Variants in RABGEF1 observed in about 807,000 individuals in gnomAD.
RABGEF1 encodes the protein rab5 GDP/GTP exchange factor.
RABGEF1 carries 26 observed loss-of-function variants against 57.3 expected under a neutral mutation model. The ratio of observed to expected loss-of-function variants is 0.45; its 90% CI spans 0.33 to 0.63. The LOEUF is 0.63. RABGEF1 is among the 20% of genes least tolerant of loss of function. The probability of loss-of-function intolerance (pLI) is 0.02; values close to 1 mark genes in which losing one functional copy is unlikely to be tolerated. For missense variants in RABGEF1, 464 were observed against 607.6 expected, an observed-to-expected ratio of 0.76 and a Z score of 2.48; for synonymous variants, 185 against 210.7, an observed-to-expected ratio of 0.88 and a Z score of 1.06.
At chr7:66,760,278 A>C (rs1275186541) in intron 1 of RABGEF1, among the ~76,000 whole-genome samples, 1 of 152,184 alleles carries the variant, frequency 6.6e-6, no homozygotes, top group Non-Finnish European at 1.5e-5. Flanking sequence ...GAAATCCTAG[A>C]GTATGTGACC....
chr7:66,781,761 T>C (rs754587901), intron 3 of RABGEF1, among the ~76,000 whole-genome samples: 11 of 152,240 alleles, frequency 7.2e-5, no homozygotes, highest in Non-Finnish European at 1.3e-4. Flanking sequence ...TATTTTGCCA[T>C]GCAAATTCTG....
At chr7:66,775,438 C>G (rs769822507) in intron 3 of RABGEF1, 45 bp downstream of exon 3, 1 of 1,593,396 alleles carries the variant, frequency 6.3e-7, no homozygotes, top group African/African-American at 1.3e-5. Context: ...CTGAGTGAGA[C>G]ACAGAGGAGA....
chr7:66,656,264 G>C, the RABGEF1 span, among the ~76,000 whole-genome samples: 2 of 151,966 alleles, frequency 1.3e-5, no homozygotes, highest in Non-Finnish European at 2.9e-5. Flanking sequence ...CTGCAGATGC[G>C]TGCCACCACA....
intron 1 of RABGEF1, among the ~76,000 whole-genome samples, chr7:66,757,900 T>C (rs1583791923): frequency 6.6e-6 from 1 of 152,164 alleles, no homozygotes; most frequent in African/African-American, 2.4e-5. Context: ...CGTGAGCCAC[T>C]GCGCCCGGCC....
At chr7:66,724,299 G>C (rs901039646) in intron 2 of RABGEF1, among the ~76,000 whole-genome samples, 2 of 151,594 alleles carry the variant, frequency 1.3e-5, no homozygotes, top group African/African-American at 4.8e-5. Context: ...CTTTATTTTT[G>C]GTATTCAGCA....
chr7:66,794,141 C>T (rs1813419969), intron 4 of RABGEF1, among the ~76,000 whole-genome samples: 1 of 150,550 alleles, frequency 6.6e-6, no homozygotes, highest in Non-Finnish European at 1.5e-5. Flanking sequence ...CTAATTTAGA[C>T]ATCTTCCAGG....
At chr7:66,727,292 G>A (rs1222840361) in intron 2 of RABGEF1, among the ~76,000 whole-genome samples, 1 of 152,190 alleles carries the variant, frequency 6.6e-6, no homozygotes, top group Non-Finnish European at 1.5e-5. Context: ...CCTGGTTCTT[G>A]TCCGTGGGAC....
At chr7:66,796,526 C>G (rs1365572471) in intron 5 of RABGEF1, among the ~76,000 whole-genome samples, 3 of 152,196 alleles carry the variant, frequency 2.0e-5, no homozygotes, top group Non-Finnish European at 4.4e-5. Flanking sequence ...TGTCAGACAA[C>G]TTCAGTTAGA....
chr7:66,744,356 G>C (rs184617518), intron 1 of RABGEF1, among the ~76,000 whole-genome samples: 149 of 149,240 alleles, frequency 1.0e-3, no homozygotes, highest in Non-Finnish European at 1.5e-3. Context: ...AAAATAGCAA[G>C]ACTGCATCTC....
Position 66,797,421 on chromosome 7 carries a change from A to G in RABGEF1, c.643A>G (p.Ile215Val). The change falls in exon 6 of 9, where the codon ATC becomes GTC. Residue 215 changes from isoleucine to valine, a missense_variant. Physicochemically the swap from Ile to Val is conservative, Grantham distance 29. Transcript: ENST00000284957. ...GATAATGGATCAGATTGAAAAGTAC[A>G]TCATGACTCGTCTCTATAAATATGT... ...EKIMDQIEKY[I>V]MTRLYKYVFC... 1.9e-6 allele frequency: 3 copies of G among 1,611,834 alleles called. No homozygotes were observed. Among genetic ancestry groups the G allele is most frequent in the Non-Finnish European group, 2.5e-6 (3 of 1,179,798 alleles).
Position 66,790,343 on chromosome 7 carries a change from G to A in RABGEF1, c.514-5168G>A, listed in dbSNP as rs76674410. Among the ~76,000 whole-genome samples the A allele has an allele frequency of 5.7e-3, 866 of 152,170 alleles. 9 individuals are homozygous for A. Among genetic ancestry groups the A allele is most frequent in the African/African-American group, 0.019 (800 of 41,534 alleles). ...CTTATGCGCATGAGGTCTTTTTTTC[G>A]TCTTTCTTCACATGCGACAGGCAAT... is the stretch of plus-strand genomic sequence containing the variant. On this transcript the variant is annotated intron_variant, in intron 4 of 8. Coordinates refer to ENST00000284957, the MANE Select transcript of RABGEF1 (RefSeq NM_014504.3).
chr7:66,769,489 G>C (rs1806555079), intron 1 of RABGEF1, among the ~76,000 whole-genome samples: 1 of 152,236 alleles, frequency 6.6e-6, no homozygotes, highest in Non-Finnish European at 1.5e-5. Flanking sequence ...CTGATCAGCA[G>C]AGCATGTGCA....
intron 7 of RABGEF1, among the ~76,000 whole-genome samples, chr7:66,803,630 C>T (rs1017631072): frequency 9.9e-5 from 15 of 152,138 alleles, no homozygotes; most frequent in African/African-American, 3.6e-4. Flanking sequence ...GTGAGTCACA[C>T]CTGTAATCCC....
At chr7:66,696,273 C>T (rs1792318962) in intron 1 of RABGEF1, among the ~76,000 whole-genome samples, 1 of 152,010 alleles carries the variant, frequency 6.6e-6, no homozygotes, top group South Asian at 2.1e-4. Flanking sequence ...CCATGTTGCC[C>T]AGGCTAGTCT....
intron 2 of RABGEF1, among the ~76,000 whole-genome samples, chr7:66,717,231 T>G (rs187361933): frequency 6.6e-6 from 1 of 152,332 alleles, no homozygotes; most frequent in African/African-American, 2.4e-5. Flanking sequence ...AATTACAGTA[T>G]GTACACCAAA....
At chr7:66,664,452 G>A in the RABGEF1 span, among the ~76,000 whole-genome samples, 2 of 151,204 alleles carry the variant, frequency 1.3e-5, no homozygotes, top group Non-Finnish European at 2.9e-5. Context: ...AATTAGTCAA[G>A]GGTAGTGGAG....
the RABGEF1 span, among the ~76,000 whole-genome samples, chr7:66,676,885 G>A: frequency 6.6e-6 from 1 of 152,202 alleles, no homozygotes; most frequent in African/African-American, 2.4e-5. Flanking sequence ...CACCTGGTCC[G>A]TGAATAGTGT....
At chr7:66,757,881 G>A (rs941563948) in intron 1 of RABGEF1, among the ~76,000 whole-genome samples, 2 of 152,198 alleles carry the variant, frequency 1.3e-5, no homozygotes, top group Non-Finnish European at 2.9e-5. Flanking sequence ...AAAGTGCTGG[G>A]ATTACAGGCG....
At chr7:66,773,278 C>G (rs1438299680) in intron 2 of RABGEF1, among the ~76,000 whole-genome samples, 1 of 152,118 alleles carries the variant, frequency 6.6e-6, no homozygotes, top group East Asian at 1.9e-4. Flanking sequence ...AGTAGCAGAT[C>G]CTGTTTCAAA....
Sources: gnomAD v4.1 joint callset for allele counts (sites outside exome capture counted in the v4.1 genomes callset) on GRCh38, gnomAD v4.1.1 for gene constraint, MANE v1.5 for transcripts, NCBI Gene and HGNC (gene_info 2026-07-23, HGNC 2026-07-21) for gene names.